Variants in PTPRU observed in about 807,000 individuals in gnomAD.
PTPRU encodes the protein protein tyrosine phosphatase receptor type U, also known as receptor-type tyrosine-protein phosphatase U.
PTPRU carries 69 observed loss-of-function variants against 166.3 expected under a neutral mutation model. That is an observed-to-expected ratio of 0.41 (90% CI 0.34 to 0.51). The LOEUF (loss-of-function observed/expected upper bound fraction) is 0.51, where lower values mean the gene tolerates loss of function less well. PTPRU is among the 20% of genes least tolerant of loss of function. PTPRU has a pLI of 0.09. For synonymous variants in PTPRU, 793 were observed against 814.0 expected (o/e 0.97, Z 0.44); for missense variants, 1,657 against 2,013.7 (o/e 0.82, Z 3.39).
chr1:29,282,986 G>C (rs1686151003), intron 12 of PTPRU, 37 bp downstream of exon 12: 1 of 1,584,234 alleles, frequency 6.3e-7, no homozygotes, highest in African/African-American at 1.6e-5. Flanking sequence ...GGCGTGGTTG[G>C]GTGTGGGGGG....
intron 26 of PTPRU, among the ~76,000 whole-genome samples, chr1:29,322,695 G>T (rs1442225295): frequency 6.6e-6 from 1 of 152,138 alleles, no homozygotes; most frequent in Non-Finnish European, 1.5e-5. Flanking sequence ...CTGAGGCCAA[G>T]AGAAAGGAAG....
rs769738173 is a variant in PTPRU at position 29,311,729 on chromosome 1, G to A, written c.3042G>A (p.Glu1014=). 3.7e-6 allele frequency: 6 copies of A among 1,614,090 alleles called. No homozygotes were observed. In the African/African-American group the frequency reaches 6.7e-5, roughly 18 times the overall value. Reference sequence around the variant, plus strand: ...TGGTGAAGACAGAGACCCTGGCTGAGTATGTCGTGCGCACTTTTGCCCTGG... The same window carrying A: ...TGGTGAAGACAGAGACCCTGGCTGAATATGTCGTGCGCACTTTTGCCCTGG... ...IMLVKTETLA[E]YVVRTFALER... The change falls in exon 21 of 30, where the codon GAG becomes GAA. Residue 1014 remains glutamate (E), a synonymous_variant. Coordinates refer to ENST00000373779, the MANE Select transcript of PTPRU (RefSeq NM_133178.4). This position sits in a 1 kb window ranked among gnomAD's most constrained non-coding sequence, Gnocchi z 4.1.
intron 5 of PTPRU, 37 bp downstream of exon 5, chr1:29,259,601 G>T: frequency 6.7e-7 from 1 of 1,489,800 alleles, no homozygotes; most frequent in Non-Finnish European, 9.1e-7. Flanking sequence ...GGGGCGGGGT[G>T]GGAGGGGGTT....
intron 16 of PTPRU, 137 bp downstream of exon 16, chr1:29,304,182 T>A: frequency 9.6e-7 from 1 of 1,039,790 alleles, no homozygotes; most frequent in Admixed American, 2.9e-5. Flanking sequence ...CTCAACCTTT[T>A]TGACCTCGAC....
chr1:29,326,075 C>T lies in PTPRU; in HGVS notation c.*414C>T, dbSNP rs1688397309. On this transcript the variant is annotated 3_prime_UTR_variant, in exon 30 of 30. Transcript: ENST00000373779. The stretch of plus-strand genomic sequence containing the variant: ...CAGGCCAAGGTTCCCACTCAGCCTG[C>T]CCCCTCTGCATGTGGGTAGAGGATG... The T allele has an allele frequency of 2.5e-6, 1 of 401,212 alleles. No homozygotes were observed. The highest frequency in any genetic ancestry group is 3.6e-5 in the East Asian group (1 of 27,938). 24.9% of individuals were successfully genotyped at this position (401,212 alleles called of 1,614,324 possible). A position where few individuals can be genotyped will look rare whatever the true frequency, so the allele number is the denominator to read the frequency against.
At chr1:29,249,481 G>A (rs909990382) in intron 1 of PTPRU, among the ~76,000 whole-genome samples, 1 of 152,242 alleles carries the variant, frequency 6.6e-6, no homozygotes, top group African/African-American at 2.4e-5. Context: ...CCCTCTCAGG[G>A]AGGCCTCTGT....
At position 29,275,471 on chromosome 1, in the gene PTPRU, C is replaced by T; in HGVS notation, c.1168C>T (p.Leu390=). 1.9e-6 allele frequency: 3 copies of T among 1,614,062 alleles called. No individual in the cohort carries two copies. The highest frequency in any genetic ancestry group is 1.3e-5 in the African/African-American group (1 of 75,048). ...AGAGCCCATGAGGGCCCCCAAAGGC[C>T]TGGCTTTTGCTGAGATCCAGGCCCG... ...CAEPMRAPKG[L]AFAEIQARQL... Residue 390 remains leucine (L), a synonymous_variant, in exon 8 of 30, where the codon CTG becomes TTG. Coordinates refer to ENST00000373779, the MANE Select transcript of PTPRU (RefSeq NM_133178.4).
Position 29,238,671 on chromosome 1 carries a change from G to C in PTPRU, c.73+1954G>C, listed in dbSNP as rs186758189. On this transcript the variant is annotated intron_variant, in intron 1 of 29. Transcript: ENST00000373779. This position sits in a 1 kb window ranked among gnomAD's most constrained non-coding sequence, Gnocchi z 6.1. ...CCGTTCCCGAAAGGACGCCCAAGGC[G>C]ACCTCCCACCCCATCCTCCCCAACT... is the stretch of plus-strand genomic sequence containing the variant. Among the ~76,000 whole-genome samples the C allele has an allele frequency of 3.3e-5, 5 of 152,146 alleles. No homozygotes were observed. Among genetic ancestry groups the C allele is most frequent in the African/African-American group, 1.2e-4 (5 of 41,530 alleles).
intron 1 of PTPRU, among the ~76,000 whole-genome samples, chr1:29,251,786 C>T (rs1011676144): frequency 1.3e-5 from 2 of 152,198 alleles, no homozygotes; most frequent in African/African-American, 4.8e-5. Context: ...CAGGAAAGGC[C>T]TGAACCCCAT....
Position 29,260,597 on chromosome 1 carries a change from C to A in PTPRU, c.851-13C>A. 1 of 1,487,356 alleles carries A rather than the reference C, an allele frequency of 6.7e-7. No individual in the cohort carries two copies. The highest frequency in any genetic ancestry group is 9.0e-7 in the Non-Finnish European group (1 of 1,116,678). 92.1% of individuals were successfully genotyped at this position (1,487,356 alleles called of 1,614,324 possible). A position where few individuals can be genotyped will look rare whatever the true frequency, so the allele number is the denominator to read the frequency against. On this transcript the variant is annotated splice_polypyrimidine_tract_variant and intron_variant, in intron 6 of 29. Transcript: ENST00000373779. This position sits in a 1 kb window ranked among gnomAD's most constrained non-coding sequence, Gnocchi z 8.3. The stretch of plus-strand genomic sequence containing the variant: ...GCATCGGTCCGCCTCGCCTCTCCCC[C>A]ATCTCCTCGCAGAGCCCCCAACTCC...
chr1:29,260,309 C>T lies in PTPRU; in HGVS notation c.850+265C>T. The T allele has an allele frequency of 2.1e-6, 1 of 482,162 alleles. No individual in the cohort carries two copies. Among genetic ancestry groups the T allele is most frequent in the East Asian group, 3.5e-5 (1 of 28,500 alleles). The allele number at this position is 482,162 out of a possible 1,614,324, so 29.9% of individuals were successfully genotyped here. A position where few individuals can be genotyped will look rare whatever the true frequency, so the allele number is the denominator to read the frequency against. ...GGGTGGGGTTCTGGCTGTGTGACTT[C>T]TGTGTTGATCCTAGCTGGCCTGCGG... On this transcript the variant is annotated intron_variant, in intron 6 of 29. Coordinates refer to ENST00000373779, the MANE Select transcript of PTPRU (RefSeq NM_133178.4). This position sits in a 1 kb window ranked among gnomAD's most constrained non-coding sequence, Gnocchi z 8.3.
chr1:29,272,527 A>C (rs1256781056), intron 7 of PTPRU, among the ~76,000 whole-genome samples: 2 of 152,150 alleles, frequency 1.3e-5, no homozygotes, highest in Non-Finnish European at 2.9e-5. Context: ...TTACTGGTGC[A>C]CTCCCAAGAT....
At position 29,236,558 on chromosome 1, in the gene PTPRU, G is replaced by T; in HGVS notation, c.-87G>T. On this transcript the variant is annotated 5_prime_UTR_variant, in exon 1 of 30. Transcript: ENST00000373779. This position sits in a 1 kb window ranked among gnomAD's most constrained non-coding sequence, Gnocchi z 4.6. ...GCGCCGCGCCGCTCCGCTCCGGCTCGGGCTCCGGCTCGCCTCGGGCTGGGC... is the reference window on the plus strand; with the variant it reads ...GCGCCGCGCCGCTCCGCTCCGGCTCTGGCTCCGGCTCGCCTCGGGCTGGGC... 1 of 1,040,204 alleles carries T rather than the reference G, an allele frequency of 9.6e-7. No homozygotes were observed. The highest frequency in any genetic ancestry group is 4.7e-5 in the South Asian group (1 of 21,358). The allele number at this position is 1,040,204 out of a possible 1,614,324, so 64.4% of individuals were successfully genotyped here.
intron 14 of PTPRU, among the ~76,000 whole-genome samples, chr1:29,287,426 A>G (rs1686404439): frequency 6.6e-6 from 1 of 152,028 alleles, no homozygotes. Context: ...AAGGGCAGAG[A>G]AAGCCCTGTC....
chr1:29,275,282 AG>A (rs1001809013), intron 7 of PTPRU, among the ~76,000 whole-genome samples, 165 bp from the exon 8 acceptor site: 13 of 152,198 alleles, frequency 8.5e-5, no homozygotes, highest in African/African-American at 3.1e-4. Flanking sequence ...CTGACTCCAA[AG>A]CACATACTTT....
rs199628688 is a variant in PTPRU at position 29,303,976 on chromosome 1, C to G, written c.2598C>G (p.Val866=). 2.7e-5 allele frequency: 43 copies of G among 1,613,492 alleles called. No homozygotes were observed. In the South Asian group the frequency reaches 3.4e-4, roughly 13 times the overall value. ...GGCAGCTGCACCCTGCGGTGCGTGT[C>G]GCAGACCTTCTGCAGCACATCAACC... ...HTGQLHPAVR[V]ADLLQHINQM... Residue 866 remains valine, a synonymous_variant, in exon 16 of 30, where the codon GTC becomes GTG. Transcript: ENST00000373779.
At chr1:29,248,909 C>G (rs563431727) in intron 1 of PTPRU, among the ~76,000 whole-genome samples, 2 of 152,328 alleles carry the variant, frequency 1.3e-5, no homozygotes, top group South Asian at 4.1e-4. Context: ...TCATGCACCT[C>G]TGCCCCAAGA....
In PTPRU at chr1:29,260,692, C is replaced by A; in HGVS notation, c.933C>A (p.Ile311=). The A allele has an allele frequency of 6.3e-7, 1 of 1,583,750 alleles. No individual in the cohort carries two copies. The highest frequency in any genetic ancestry group is 8.6e-7 in the Non-Finnish European group (1 of 1,163,168). The change falls in exon 7 of 30, where the codon ATC becomes ATA. Residue 311 remains isoleucine, a synonymous_variant. Coordinates refer to ENST00000373779, the MANE Select transcript of PTPRU (RefSeq NM_133178.4). The surrounding 1 kb of genome is among the most constrained non-coding windows in gnomAD (Gnocchi z 8.3). ...YLIIQLNTNS[I]IGDGPIVRKE... is the part of the protein sequence containing the mutation. The stretch of plus-strand genomic sequence containing the variant: ...TCATCCAGCTCAACACCAACTCCAT[C>A]ATTGGCGACGGGCCGATCGTGCGCA...
In PTPRU at chr1:29,275,575, C is replaced by T; in HGVS notation, c.1272C>T (p.His424=). The change falls in exon 8 of 30, where the codon CAC becomes CAT. Residue 424 remains histidine (H), a synonymous_variant. Transcript: ENST00000373779. ...CHTYTVSLCY[H]YTLGSSHNQT... The stretch of plus-strand genomic sequence containing the variant: ...CCTATACTGTGTCGCTGTGCTATCA[C>T]TACACCCTGGGCAGCAGCCACAACC... 1 of 1,614,212 alleles carries T rather than the reference C, an allele frequency of 6.2e-7. No individual in the cohort carries two copies. Among genetic ancestry groups the T allele is most frequent in the Non-Finnish European group, 8.5e-7 (1 of 1,180,050 alleles).
Sources: allele counts gnomAD v4.1 joint callset (sites outside exome capture counted in the v4.1 genomes callset), GRCh38; gene constraint gnomAD v4.1.1; non-coding constraint Gnocchi (gnomAD v3.1); transcripts MANE v1.5; gene names NCBI Gene and HGNC (gene_info 2026-07-23, HGNC 2026-07-21).